The following RBL2 variants were observed in gnomAD, a reference collection of about 807,000 sequenced individuals.
The protein encoded by RBL2 is retinoblastoma-like protein 2.
In RBL2, 56 loss-of-function variants were observed where a neutral mutation model predicts 126.0. The observed-to-expected ratio is 0.44, with a 90% CI of 0.36 to 0.56. The LOEUF (loss-of-function observed/expected upper bound fraction) is 0.56. Among genes scored for constraint, RBL2 ranks in the 20% least tolerant of loss-of-function variants. The probability of loss-of-function intolerance (pLI) is 0.00; values close to 1 mark genes in which losing one functional copy is unlikely to be tolerated. For missense variants in RBL2, 1,229 were observed against 1,398.2 expected, an observed-to-expected ratio of 0.88 and a Z score of 1.93; for synonymous variants, 454 against 478.5, an observed-to-expected ratio of 0.95 and a Z score of 0.67.
At chr16:53,457,529 G>T (rs901773490) in intron 8 of RBL2, among the ~76,000 whole-genome samples, 7 of 152,022 alleles carry the variant, frequency 4.6e-5, no homozygotes, top group Non-Finnish European at 7.4e-5. Context: ...GAAGTGCTGG[G>T]ATTATAGGCG....
intron 8 of RBL2, among the ~76,000 whole-genome samples, chr16:53,457,342 C>T (rs1285243043): frequency 1.4e-5 from 2 of 145,608 alleles, no homozygotes; most frequent in Non-Finnish European, 3.0e-5. Flanking sequence ...TCACTGTGAC[C>T]TCTGCCACCT....
At chr16:53,458,253 T>C (rs1367963841) in intron 8 of RBL2, among the ~76,000 whole-genome samples, 1 of 152,216 alleles carries the variant, frequency 6.6e-6, no homozygotes, top group Non-Finnish European at 1.5e-5. Flanking sequence ...TTTAAAAAAT[T>C]AGAATAAGTA....
rs1186949382 is a variant in RBL2 at position 53,439,008 on chromosome 16, T to C, written c.241-8T>C. 1.3e-6 allele frequency: 2 copies of C among 1,545,432 alleles called. No homozygotes were observed. The highest frequency in any genetic ancestry group is 2.8e-5 in the African/African-American group (2 of 71,616). On this transcript the variant is annotated splice_polypyrimidine_tract_variant and splice_region_variant and intron_variant, in intron 1 of 21. Transcript: ENST00000262133. ...TTAACTAAAAATCAATTTTCTTTTC[T>C]TTTACAGGGAAATGATCTTCATTGG...
At position 53,451,667 on chromosome 16, in the gene RBL2, G is replaced by A. The variant is rs181633989; in HGVS notation, c.638-36G>A. The A allele has an allele frequency of 1.2e-4, 189 of 1,593,796 alleles. No individual in the cohort carries two copies. In the African/African-American group the frequency reaches 2.2e-3, roughly 18 times the overall value. On this transcript the variant is annotated intron_variant, in intron 4 of 21. Transcript: ENST00000262133. ...TTTTTAAAAATGTTACAAAGTCAAT[G>A]CTAATTTAACTCTGTAACTGCTTAT... is the stretch of plus-strand genomic sequence containing the variant.
intron 21 of RBL2, among the ~76,000 whole-genome samples, chr16:53,485,531 G>T (rs1961130787): frequency 1.3e-5 from 2 of 152,068 alleles, no homozygotes; most frequent in African/African-American, 4.8e-5. Context: ...AAACTGTAAA[G>T]CAGAGAAAAA....
rs577557610 is a variant in RBL2 at position 53,434,516 on chromosome 16, G to C, written c.-41G>C. The C allele has an allele frequency of 3.6e-6, 5 of 1,389,066 alleles. No homozygotes were observed. The highest frequency in any genetic ancestry group is 6.5e-5 in the Admixed American group (2 of 30,680). The allele number at this position is 1,389,066 out of a possible 1,614,324, so 86.0% of individuals were successfully genotyped here. A position where few individuals can be genotyped will look rare whatever the true frequency, so the allele number is the denominator to read the frequency against. ...GCCGTTTGAATGGCTGCGGGCCCGGGCCCTCACCTCACCTGAGGTCCGGCC... is the reference window on the plus strand; with the variant it reads ...GCCGTTTGAATGGCTGCGGGCCCGGCCCCTCACCTCACCTGAGGTCCGGCC... On this transcript the variant is annotated 5_prime_UTR_variant, in exon 1 of 22. Coordinates refer to ENST00000262133, the MANE Select transcript of RBL2 (RefSeq NM_005611.4).
At position 53,470,029 on chromosome 16, in the gene RBL2, C is replaced by T. The variant is rs1251723322; in HGVS notation, c.2089C>T (p.Arg697Cys). 7.4e-6 allele frequency: 12 copies of T among 1,614,086 alleles called. No homozygotes were observed. The highest frequency in any genetic ancestry group is 2.7e-5 in the African/African-American group (2 of 74,934). The part of the protein sequence containing the change: ...DSPSDGGTPG[R>C]MPPQPLVNAV... Reference sequence around the variant, plus strand: ...CCCCTCTGATGGAGGGACGCCTGGGCGCATGCCCCCACAGCCCCTAGTCAA... The same window carrying T: ...CCCCTCTGATGGAGGGACGCCTGGGTGCATGCCCCCACAGCCCCTAGTCAA... Residue 697 changes from arginine to cysteine, a missense_variant, in exon 15 of 22, where the codon CGC becomes TGC. This residue lies in a region of RBL2 where 1,070 missense variants were observed against 1,274.3 expected (regional missense o/e 0.84). Coordinates refer to ENST00000262133, the MANE Select transcript of RBL2 (RefSeq NM_005611.4).
intron 2 of RBL2, 27 bp downstream of exon 2, chr16:53,439,173 G>A (rs1250795104): frequency 1.9e-6 from 3 of 1,544,444 alleles, no homozygotes; most frequent in Non-Finnish European, 2.6e-6. Flanking sequence ...TTGACAAGTA[G>A]AGTATGGCTA....
At position 53,472,400 on chromosome 16, in the gene RBL2, G is replaced by C. The variant is rs1326534070; in HGVS notation, c.2703+1478G>C. ...CTACCAGTAATGCACAAGAGTTCCA[G>C]TTTCTCCACATCCTTGCCAACTTAT... On this transcript the variant is annotated intron_variant, in intron 17 of 21. Coordinates refer to ENST00000262133, the MANE Select transcript of RBL2 (RefSeq NM_005611.4). Among the ~76,000 whole-genome samples, 5 of 152,178 alleles carry C rather than the reference G, an allele frequency of 3.3e-5. No homozygotes were observed. In the East Asian group the frequency reaches 7.7e-4, roughly 23 times the overall value.
At position 53,447,156 on chromosome 16, in the gene RBL2, T is replaced by C. The variant is rs772274880; in HGVS notation, c.637+50T>C. The C allele has an allele frequency of 6.6e-6, 7 of 1,057,986 alleles. No individual in the cohort carries two copies. The African/African-American group carries it at 9.8e-5, about 15-fold the overall frequency. 65.5% of individuals were successfully genotyped at this position (1,057,986 alleles called of 1,614,324 possible). On this transcript the variant is annotated intron_variant, in intron 4 of 21. Transcript: ENST00000262133. Reference sequence around the variant, plus strand: ...AGATTTAATATGTCTATTTACATTTTCAGGTATTAATTTTGTCAACTTCTA... The same window carrying C: ...AGATTTAATATGTCTATTTACATTTCCAGGTATTAATTTTGTCAACTTCTA...
chr16:53,451,659 A>T (rs1241209675), intron 4 of RBL2, 44 bp from the exon 5 acceptor site: 10 of 1,579,804 alleles, frequency 6.3e-6, no homozygotes, highest in African/African-American at 1.4e-5. Context: ...AAATGTTACA[A>T]AGTCAATGCT....
chr16:53,441,987 A>G (rs1320490206), intron 2 of RBL2, among the ~76,000 whole-genome samples: 1 of 151,910 alleles, frequency 6.6e-6, no homozygotes, highest in Non-Finnish European at 1.5e-5. Context: ...CGCCCAGCTA[A>G]TTTTTTGTAT....
chr16:53,451,665 A>G (rs760032937), intron 4 of RBL2, 38 bp from the exon 5 acceptor site: 40 of 1,593,954 alleles, frequency 2.5e-5, no homozygotes, highest in Non-Finnish European at 3.3e-5. Flanking sequence ...TACAAAGTCA[A>G]TGCTAATTTA....
intron 1 of RBL2, 114 bp from the exon 2 acceptor site, chr16:53,438,902 C>CTAAGTTTCCCACAAAAATA (rs1476649783): frequency 2.0e-4 from 41 of 201,520 alleles, no homozygotes; most frequent in Admixed American, 1.0e-3. Flanking sequence ...ATCATTGAAA[C>CTAAGTTTCCCACAAAAATA]TAAGTTTCCC....
chr16:53,485,750 G>A (rs13332335), intron 21 of RBL2, among the ~76,000 whole-genome samples: 24,902 of 151,894 alleles, frequency 0.16, 2,067 homozygotes, highest in South Asian at 0.27. Flanking sequence ...CAGCTACTCC[G>A]GAGGATAAGG....
chr16:53,473,245 A>C (rs1384461375), intron 17 of RBL2, among the ~76,000 whole-genome samples: 1 of 152,192 alleles, frequency 6.6e-6, no homozygotes, highest in Non-Finnish European at 1.5e-5. Flanking sequence ...GGATTCTGAT[A>C]GGGTTGCACT....
chr16:53,484,636 A>G (rs1961088543), intron 21 of RBL2, among the ~76,000 whole-genome samples: 1 of 152,212 alleles, frequency 6.6e-6, no homozygotes, highest in South Asian at 2.1e-4. Context: ...AGAATGGGCA[A>G]ATATCTAGAA....
chr16:53,439,180 G>C (rs757640130), intron 2 of RBL2, 34 bp downstream of exon 2: 6 of 1,500,594 alleles, frequency 4.0e-6, no homozygotes, highest in Non-Finnish European at 5.4e-6. Flanking sequence ...GTAGAGTATG[G>C]CTAATGTAAG....
chr16:53,486,950 A>T (rs751609518), intron 21 of RBL2, among the ~76,000 whole-genome samples: 13 of 152,036 alleles, frequency 8.6e-5, no homozygotes, highest in Non-Finnish European at 1.9e-4. Flanking sequence ...ATTGAATACC[A>T]TAACATTTTA....
Sources: allele counts gnomAD v4.1 joint callset (sites outside exome capture counted in the v4.1 genomes callset), GRCh38; gene constraint gnomAD v4.1.1; regional missense constraint gnomAD v4.1.1; transcripts MANE v1.5; gene names NCBI Gene and HGNC (gene_info 2026-07-23, HGNC 2026-07-21).